Variants in CATSPERE observed in about 807,000 individuals in gnomAD.
CATSPERE encodes cation channel sperm-associated auxiliary subunit epsilon.
In CATSPERE, 93 loss-of-function variants were observed where a neutral mutation model predicts 114.1. That is an observed-to-expected ratio of 0.81 (90% CI 0.69 to 0.97). The LOEUF is 0.97. Ranked by LOEUF, CATSPERE falls within the 50% of genes least tolerant of loss-of-function variation. CATSPERE has a pLI of 0.00. For missense variants in CATSPERE, 1,058 were observed against 1,131.6 expected, an observed-to-expected ratio of 0.93 and a Z score of 0.93; for synonymous variants, 341 against 384.1, an observed-to-expected ratio of 0.89 and a Z score of 1.31.
chr1:244,585,886 G>A (rs1666952038), intron 13 of CATSPERE, among the ~76,000 whole-genome samples: 1 of 152,232 alleles, frequency 6.6e-6, no homozygotes, highest in Non-Finnish European at 1.5e-5. Context: ...CCAGCCCCCA[G>A]AGGGCCTTAG....
At chr1:244,491,202 TCTC>T (rs1484020533) in intron 6 of CATSPERE, among the ~76,000 whole-genome samples, 1 of 151,432 alleles carries the variant, frequency 6.6e-6, no homozygotes, top group Non-Finnish European at 1.5e-5. Context: ...GAAGTAAAGC[TCTC>T]CTCAGCAAAT....
chr1:244,619,795 T>G (rs1671858951), intron 20 of CATSPERE, among the ~76,000 whole-genome samples: 1 of 152,130 alleles, frequency 6.6e-6, no homozygotes. Flanking sequence ...AAAATGACAT[T>G]TTATAGTGAT....
At chr1:244,510,730 T>A (rs116514641) in intron 7 of CATSPERE, among the ~76,000 whole-genome samples, 1 of 152,106 alleles carries the variant, frequency 6.6e-6, no homozygotes, top group Non-Finnish European at 1.5e-5. Context: ...CTATTATTTT[T>A]ATGGAGGTCT....
intron 7 of CATSPERE, among the ~76,000 whole-genome samples, chr1:244,502,911 T>C (rs1031200592): frequency 2.0e-5 from 3 of 152,102 alleles, no homozygotes; most frequent in African/African-American, 4.8e-5. Context: ...CCATCCCCCA[T>C]TGGTCAGAGG....
intron 8 of CATSPERE, among the ~76,000 whole-genome samples, chr1:244,531,350 TA>T (rs1291385557): frequency 6.6e-6 from 1 of 152,112 alleles, no homozygotes; most frequent in African/African-American, 2.4e-5. Flanking sequence ...TTGCTCTAGC[TA>T]GGACTTCCAG....
chr1:244,473,086 A>G (rs1474359220), intron 2 of CATSPERE, among the ~76,000 whole-genome samples: 1 of 152,232 alleles, frequency 6.6e-6, no homozygotes, highest in Non-Finnish European at 1.5e-5. Context: ...GCAAACATTC[A>G]TGGACAGGTT....
At chr1:244,610,595 C>A in intron 19 of CATSPERE, 1 of 504,860 alleles carries the variant, frequency 2.0e-6, no homozygotes, top group South Asian at 1.9e-5. Flanking sequence ...CATGTGAAAG[C>A]ATCAAGAGTG....
intron 21 of CATSPERE, among the ~76,000 whole-genome samples, chr1:244,637,712 C>G (rs10754838): frequency 3.3e-5 from 5 of 151,936 alleles, no homozygotes; most frequent in Non-Finnish European, 5.9e-5. Context: ...TGGCAAATCC[C>G]CAACTACCTA....
intron 17 of CATSPERE, among the ~76,000 whole-genome samples, chr1:244,595,966 T>A (rs1178836199): frequency 6.6e-6 from 1 of 152,126 alleles, no homozygotes; most frequent in Admixed American, 6.5e-5. Flanking sequence ...TTTAGCTAGT[T>A]CTCTCTGGGA....
chr1:244,518,576 T>C lies in CATSPERE; in HGVS notation c.430-16T>C. The C allele has an allele frequency of 1.4e-6, 2 of 1,410,682 alleles. No individual in the cohort carries two copies. Among genetic ancestry groups the C allele is most frequent in the Non-Finnish European group, 2.0e-6 (2 of 1,000,584 alleles). 87.4% of individuals were successfully genotyped at this position (1,410,682 alleles called of 1,614,324 possible). On this transcript the variant is annotated splice_polypyrimidine_tract_variant and intron_variant, in intron 7 of 21. Coordinates refer to ENST00000366534, the MANE Select transcript of CATSPERE (RefSeq NM_001130957.2). Reference sequence around the variant, plus strand: ...TATGAAAATAATAAAAAATGAAATTTAATTTGTTTTTACAGAATTCCATAG... The same window carrying C: ...TATGAAAATAATAAAAAATGAAATTCAATTTGTTTTTACAGAATTCCATAG...
chr1:244,589,920 A>C (rs1170595381), intron 14 of CATSPERE, among the ~76,000 whole-genome samples: 1 of 151,924 alleles, frequency 6.6e-6, no homozygotes, highest in Non-Finnish European at 1.5e-5. Flanking sequence ...AACCCTAAAA[A>C]CTCTAATATC....
At chr1:244,505,993 G>A (rs886445439) in intron 7 of CATSPERE, among the ~76,000 whole-genome samples, 17 of 152,020 alleles carry the variant, frequency 1.1e-4, no homozygotes, top group African/African-American at 3.9e-4. Context: ...GTGACAGAGC[G>A]AGACCCCATC....
chr1:244,578,843 T>TATATATATACAC (rs756669283), intron 11 of CATSPERE, among the ~76,000 whole-genome samples: 74 of 139,592 alleles, frequency 5.3e-4, no homozygotes, highest in African/African-American at 1.8e-3. Context: ...TATATATATA[T>TATATATATACAC]ACACACACAC....
chr1:244,553,470 A>C (rs1660982979), intron 9 of CATSPERE, among the ~76,000 whole-genome samples: 1 of 150,756 alleles, frequency 6.6e-6, no homozygotes, highest in South Asian at 2.1e-4. Context: ...TGTCTCAGCT[A>C]CTCGGGAGGC....
intron 7 of CATSPERE, among the ~76,000 whole-genome samples, chr1:244,502,636 T>G (rs1478621065): frequency 6.6e-6 from 1 of 152,190 alleles, no homozygotes; most frequent in Non-Finnish European, 1.5e-5. Flanking sequence ...GCCTGTTCAC[T>G]CCTTCGAAAG....
intron 11 of CATSPERE, among the ~76,000 whole-genome samples, chr1:244,574,297 A>G (rs907320399): frequency 2.6e-5 from 4 of 152,348 alleles, no homozygotes; most frequent in African/African-American, 9.6e-5. Flanking sequence ...CGGTTAAAGT[A>G]CAAGGACACA....
At chr1:244,564,400 TTTTG>T (rs1408577923) in intron 10 of CATSPERE, among the ~76,000 whole-genome samples, 1 of 152,132 alleles carries the variant, frequency 6.6e-6, no homozygotes, top group African/African-American at 2.4e-5. Flanking sequence ...ATGTTTTTCC[TTTTG>T]TTTGTGTCCT....
At chr1:244,531,092 C>T (rs1262671453) in intron 8 of CATSPERE, among the ~76,000 whole-genome samples, 2 of 149,074 alleles carry the variant, frequency 1.3e-5, no homozygotes, top group Non-Finnish European at 2.9e-5. Context: ...TAAAAAAAGC[C>T]GGGTGTGGTG....
At chr1:244,464,058 C>T (rs567446922) in intron 2 of CATSPERE, 102 bp downstream of exon 2, 410 of 847,916 alleles carry the variant, frequency 4.8e-4, no homozygotes, top group Non-Finnish European at 5.8e-4. Flanking sequence ...GTCATTGTCA[C>T]TCTTCTGTTT....
Sources: gnomAD v4.1 joint callset for allele counts (sites outside exome capture counted in the v4.1 genomes callset) on GRCh38, gnomAD v4.1.1 for gene constraint, MANE v1.5 for transcripts, NCBI Gene and HGNC (gene_info 2026-07-23, HGNC 2026-07-21) for gene names.